Variants in MICAL2 observed in about 807,000 individuals in gnomAD.
The protein encoded by MICAL2 is microtubule associated monooxygenase, calponin and LIM domain containing 2.
A neutral mutation model predicts 127.3 loss-of-function variants in MICAL2; 77 were observed. That is an observed-to-expected ratio of 0.60 (90% confidence interval 0.50 to 0.73). MICAL2 has a LOEUF of 0.73. Among genes scored for constraint, MICAL2 ranks in the 30% least tolerant of loss-of-function variants. The pLI is 0.00. For synonymous variants in MICAL2, 570 were observed against 551.1 expected (o/e 1.03, Z -0.48); for missense variants, 1,351 against 1,434.4 (o/e 0.94, Z 0.94).
intron 1 of MICAL2, among the ~76,000 whole-genome samples, chr11:12,125,136 C>G (rs552756): frequency 6.6e-6 from 1 of 152,272 alleles, no homozygotes; most frequent in Non-Finnish European, 1.5e-5. Flanking sequence ...AGCCTGGGAT[C>G]TGTATCAGCA....
At chr11:12,321,826 T>C (rs1864300993) in intron 30 of MICAL2, among the ~76,000 whole-genome samples, 1 of 152,066 alleles carries the variant, frequency 6.6e-6, no homozygotes, top group South Asian at 2.1e-4. Context: ...TTGAGGCAAT[T>C]CCCCCCACCT....
At chr11:12,176,438 C>T (rs868764656) in intron 3 of MICAL2, among the ~76,000 whole-genome samples, 1 of 152,104 alleles carries the variant, frequency 6.6e-6, no homozygotes, top group Admixed American at 6.6e-5. Flanking sequence ...AACCGTTAAT[C>T]GCCTCCTTCT....
chr11:12,319,661 T>C, intron 29 of MICAL2: 1 of 1,434,794 alleles, frequency 7.0e-7, no homozygotes, highest in Non-Finnish European at 9.8e-7. Context: ...GAAATGAAGC[T>C]AGCAGTTCAT....
At chr11:12,165,582 C>A (rs1045442882) in intron 3 of MICAL2, among the ~76,000 whole-genome samples, 10 of 152,342 alleles carry the variant, frequency 6.6e-5, no homozygotes, top group African/African-American at 2.4e-4. Context: ...GCCAGAACCC[C>A]GACCTTTGTG....
intron 3 of MICAL2, among the ~76,000 whole-genome samples, chr11:12,167,239 C>T (rs1207562736): frequency 6.6e-6 from 1 of 152,036 alleles, no homozygotes; most frequent in Non-Finnish European, 1.5e-5. Context: ...CTCTTGTCAC[C>T]AGCAGGAATC....
At position 12,219,580 on chromosome 11, in the gene MICAL2, C is replaced by T. The variant is rs147672586; in HGVS notation, c.949-621C>T. 8.9e-3 allele frequency among the ~76,000 whole-genome samples: 1,335 copies of T among 150,218 alleles called. 25 individuals are homozygous for T. Among genetic ancestry groups the T allele is most frequent in the African/African-American group, 0.029 (1,181 of 40,936 alleles). On this transcript the variant is annotated intron_variant, in intron 8 of 27. Transcript: ENST00000683283. ...AGCTACGCTGTGAGAGCCCTCGGCC[C>T]ATCAAGTAAAGGGGTCACTGATTTT...
chr11:12,341,483 A>T (rs753189483), intron 32 of MICAL2, among the ~76,000 whole-genome samples: 40 of 152,118 alleles, frequency 2.6e-4, no homozygotes, highest in Non-Finnish European at 5.4e-4. Flanking sequence ...AAAAGACATA[A>T]GTTTAAAGAA....
intron 17 of MICAL2, among the ~76,000 whole-genome samples, chr11:12,240,619 T>C (rs1258756015): frequency 1.3e-5 from 2 of 152,204 alleles, no homozygotes; most frequent in Non-Finnish European, 2.9e-5. Flanking sequence ...CAAGTGCTGA[T>C]GAGGGCTCCA....
intron 1 of MICAL2, among the ~76,000 whole-genome samples, chr11:12,118,662 T>G (rs1286334497): frequency 6.6e-6 from 1 of 152,190 alleles, no homozygotes; most frequent in African/African-American, 2.4e-5. Context: ...GCAGGTGACA[T>G]AGGCAAAAAC....
At chr11:12,180,844 C>G (rs1857372251) in intron 3 of MICAL2, among the ~76,000 whole-genome samples, 1 of 150,426 alleles carries the variant, frequency 6.6e-6, no homozygotes, top group Non-Finnish European at 1.5e-5. Flanking sequence ...TTCAAGTACA[C>G]TATTTCTTCA....
downstream of MICAL2, among the ~76,000 whole-genome samples, chr11:12,296,954 G>C (rs1161963738): frequency 6.6e-6 from 1 of 152,006 alleles, no homozygotes; most frequent in Non-Finnish European, 1.5e-5. Context: ...AGCCCCCTAT[G>C]ATGCAAAGTT....
intron 2 of MICAL2, among the ~76,000 whole-genome samples, chr11:12,157,267 G>T (rs1229804284): frequency 6.6e-6 from 1 of 152,204 alleles, no homozygotes; most frequent in East Asian, 1.9e-4. Context: ...CTGCAGATCG[G>T]GATGGGGAGG....
intron 3 of MICAL2, among the ~76,000 whole-genome samples, chr11:12,176,507 C>T (rs1214500170): frequency 2.0e-5 from 3 of 152,128 alleles, no homozygotes; most frequent in African/African-American, 7.2e-5. Flanking sequence ...TAAAATTGAC[C>T]ATTTTAACCA....
chr11:12,235,032 T>C (rs1754471653), intron 15 of MICAL2, among the ~76,000 whole-genome samples: 1 of 152,150 alleles, frequency 6.6e-6, no homozygotes, highest in African/African-American at 2.4e-5. Flanking sequence ...AAGCGATCTA[T>C]GGTCAATGGG....
intron 4 of MICAL2, among the ~76,000 whole-genome samples, chr11:12,207,115 C>T (rs1238818438): frequency 6.6e-6 from 1 of 152,152 alleles, no homozygotes; most frequent in Non-Finnish European, 1.5e-5. Context: ...GTCACCTTCA[C>T]AGCCCTTCCT....
At chr11:12,222,402 C>T (rs759140422) in intron 10 of MICAL2, among the ~76,000 whole-genome samples, 66 of 152,324 alleles carry the variant, frequency 4.3e-4, no homozygotes, top group Non-Finnish European at 8.4e-4. Flanking sequence ...GCCCAGCATC[C>T]CCGTCACCCA....
rs150351037 is a variant in MICAL2, at chr11:12,224,806, C to G, written c.1674C>G (p.Phe558Leu). Residue 558 changes from phenylalanine to leucine, a missense_variant, in exon 13 of 28, where the codon TTC becomes TTG. Transcript: ENST00000683283. ...CCCTGTGTGCCATCATCCACCGCTT[C>G]CGGCCTGAGCTCATGTGAGTCTGGG... ...GLALCAIIHRFRPELINFDSL... is the reference protein window; with the variant it reads ...GLALCAIIHRLRPELINFDSL... 6.2e-7 allele frequency: 1 copy of G among 1,612,570 alleles called. No individual in the cohort carries two copies. The highest frequency in any genetic ancestry group is 1.3e-5 in the African/African-American group (1 of 74,924).
chr11:12,228,509 T>G (rs182461807), intron 15 of MICAL2, among the ~76,000 whole-genome samples: 276 of 152,302 alleles, frequency 1.8e-3, no homozygotes, highest in African/African-American at 6.4e-3. Flanking sequence ...ATGTGAGCCT[T>G]GACCTTGGAG....
At position 12,242,203 on chromosome 11, in the gene MICAL2, C is replaced by T. The variant is rs373716699; in HGVS notation, c.2338-11C>T. 84 of 1,591,746 alleles carry T rather than the reference C, an allele frequency of 5.3e-5. No homozygotes were observed. The African/African-American group carries it at 1.0e-3, about 19-fold the overall frequency. ...AGTAGGGAAGGAAGCTTAATTTTCC[C>T]TCTTTCCCAGTTCCCCTCTGTGGTC... On this transcript the variant is annotated splice_polypyrimidine_tract_variant and intron_variant, in intron 18 of 27. Coordinates refer to ENST00000683283, the MANE Select transcript of MICAL2 (RefSeq NM_001282663.2).
Sources: allele counts gnomAD v4.1 joint callset (sites outside exome capture counted in the v4.1 genomes callset), GRCh38; gene constraint gnomAD v4.1.1; transcripts MANE v1.5; gene names NCBI Gene and HGNC (gene_info 2026-07-23, HGNC 2026-07-21).